N4BP1: variants seen among roughly 807,000 people sequenced by gnomAD.
The protein encoded by N4BP1 is NEDD4 binding protein 1, also known as NEDD4-binding protein 1.
A neutral mutation model predicts 70.9 loss-of-function variants in N4BP1; 21 were observed. The observed-to-expected ratio is 0.30, with a 90% confidence interval of 0.21 to 0.43. N4BP1 has a LOEUF of 0.43. N4BP1 is among the 20% of genes least tolerant of loss of function. N4BP1 has a pLI of 1.00. For synonymous variants in N4BP1, 387 were observed against 394.6 expected, an observed-to-expected ratio of 0.98 and a Z score of 0.23; for missense variants, 936 against 1,069.4, an observed-to-expected ratio of 0.88 and a Z score of 1.74.
At chr16:48,597,340 C>G (rs753936156) in intron 1 of N4BP1, among the ~76,000 whole-genome samples, 8 of 152,128 alleles carry the variant, frequency 5.3e-5, no homozygotes, top group Non-Finnish European at 1.0e-4. Context: ...ATGAAGCTGT[C>G]CTCACAGGGT....
Position 48,561,820 on chromosome 16 carries a change from C to A in N4BP1, c.823G>T (p.Ala275Ser), listed in dbSNP as rs1382236629. 2 of 1,613,696 alleles carry A rather than the reference C, an allele frequency of 1.2e-6. No homozygotes were observed. The highest frequency in any genetic ancestry group is 2.2e-5 in the South Asian group (2 of 91,076). The change falls in exon 2 of 7, where the codon GCA becomes TCA. Residue 275 changes from alanine (A) to serine (S), a missense_variant. Coordinates refer to ENST00000262384, the MANE Select transcript of N4BP1 (RefSeq NM_153029.4). ...PINGLTPDEEALSNERICQKR... is the reference protein window; with the variant it reads ...PINGLTPDEESLSNERICQKR... ...TGACAAATTCTCTCATTGGAAAGTG[C>A]CTCTTCATCTGGGGTTAGACCATTT...
chr16:48,549,946 G>A (rs778534617), intron 4 of N4BP1, among the ~76,000 whole-genome samples: 2 of 152,180 alleles, frequency 1.3e-5, no homozygotes, highest in Non-Finnish European at 2.9e-5. Flanking sequence ...AAATGCAGGG[G>A]AGAAAAGAAT....
At chr16:48,582,582 C>T (rs1964188359) in intron 1 of N4BP1, among the ~76,000 whole-genome samples, 1 of 152,106 alleles carries the variant, frequency 6.6e-6, no homozygotes, top group Admixed American at 6.5e-5. Context: ...TAATAAGAAA[C>T]TAACTTTTAT....
intron 1 of N4BP1, among the ~76,000 whole-genome samples, chr16:48,606,402 A>T (rs1379279703): frequency 6.6e-6 from 1 of 152,222 alleles, no homozygotes; most frequent in Admixed American, 6.5e-5. Context: ...CAATGACCTT[A>T]GCCTGGCATT....
chr16:48,583,189 A>C (rs1467308763), intron 1 of N4BP1, among the ~76,000 whole-genome samples: 1 of 152,242 alleles, frequency 6.6e-6, no homozygotes. Flanking sequence ...GCAAATACCA[A>C]AATATGGTAA....
rs1963484210 is a variant in N4BP1, at chr16:48,540,684, G to A, written c.*2220C>T. ...CTCTGCCCTGCCACCTACTTTACATGGATGCCACGAAGTGGGAGAGCCTGA... is the reference window on the plus strand; with the variant it reads ...CTCTGCCCTGCCACCTACTTTACATAGATGCCACGAAGTGGGAGAGCCTGA... On this transcript the variant is annotated 3_prime_UTR_variant, in exon 7 of 7. Transcript: ENST00000262384. The A allele has an allele frequency of 6.6e-6, 1 of 152,294 alleles. No individual in the cohort carries two copies. Among genetic ancestry groups the A allele is most frequent in the Non-Finnish European group, 1.5e-5 (1 of 68,104 alleles). The allele number at this position is 152,294 out of a possible 1,614,324, so 9.4% of individuals were successfully genotyped here. A position where few individuals can be genotyped will look rare whatever the true frequency, so the allele number is the denominator to read the frequency against.
At chr16:48,605,149 C>T (rs1026743354) in intron 1 of N4BP1, among the ~76,000 whole-genome samples, 1 of 152,054 alleles carries the variant, frequency 6.6e-6, no homozygotes, top group Non-Finnish European at 1.5e-5. Context: ...TCTCCTGCCT[C>T]AGCCTCCTGA....
intron 1 of N4BP1, among the ~76,000 whole-genome samples, chr16:48,596,665 T>C (rs1964418752): frequency 6.6e-6 from 1 of 152,232 alleles, no homozygotes; most frequent in Non-Finnish European, 1.5e-5. Flanking sequence ...CCTTGCTCAG[T>C]CCTGGAAGTA....
At chr16:48,562,590 T>A in intron 1 of N4BP1, 146 bp from the exon 2 acceptor site, 1 of 723,430 alleles carries the variant, frequency 1.4e-6, no homozygotes, top group Non-Finnish European at 2.2e-6. Context: ...ATGTTTTAAA[T>A]AAAACATTGA....
At chr16:48,584,680 CAGG>C (rs1379455321) in intron 1 of N4BP1, among the ~76,000 whole-genome samples, 4 of 151,752 alleles carry the variant, frequency 2.6e-5, no homozygotes, top group African/African-American at 9.7e-5. Flanking sequence ...GAGGGTGAGG[CAGG>C]AGGATCATTT....
intron 1 of N4BP1, among the ~76,000 whole-genome samples, chr16:48,563,484 C>A (rs1408832936): frequency 6.6e-6 from 1 of 151,492 alleles, no homozygotes; most frequent in Non-Finnish European, 1.5e-5. Flanking sequence ...CTCCCAGGTT[C>A]AAGCGACTCT....
chr16:48,543,268 A>G lies in N4BP1; in HGVS notation c.2334-7T>C. 1.3e-6 allele frequency: 2 copies of G among 1,507,000 alleles called. No individual in the cohort carries two copies. The highest frequency in any genetic ancestry group is 2.8e-5 in the African/African-American group (2 of 71,662). The allele number at this position is 1,507,000 out of a possible 1,614,324, so 93.4% of individuals were successfully genotyped here. On this transcript the variant is annotated splice_polypyrimidine_tract_variant and splice_region_variant and intron_variant, in intron 6 of 6. Coordinates refer to ENST00000262384, the MANE Select transcript of N4BP1 (RefSeq NM_153029.4). ...GAGTAGGGGCTGCATATCTCTGTGAATGGAAGTGAGTCCTGGTGAGTTGGG... is the reference window on the plus strand; with the variant it reads ...GAGTAGGGGCTGCATATCTCTGTGAGTGGAAGTGAGTCCTGGTGAGTTGGG...
intron 2 of N4BP1, among the ~76,000 whole-genome samples, chr16:48,560,299 T>C (rs970111490): frequency 6.6e-6 from 1 of 152,208 alleles, no homozygotes; most frequent in Non-Finnish European, 1.5e-5. Context: ...GCCATTGCTC[T>C]ATCCACAGAA....
intron 2 of N4BP1, among the ~76,000 whole-genome samples, chr16:48,558,877 G>T (rs1963799809): frequency 6.6e-6 from 1 of 152,202 alleles, no homozygotes; most frequent in African/African-American, 2.4e-5. Flanking sequence ...ATTTGGAAAT[G>T]AAGATAAGCA....
intron 1 of N4BP1, among the ~76,000 whole-genome samples, chr16:48,579,699 A>C (rs1964149458): frequency 1.3e-5 from 2 of 152,138 alleles, no homozygotes; most frequent in South Asian, 4.1e-4. Context: ...AAAAGATCCA[A>C]GTATATGCTG....
chr16:48,542,519 G>A lies in N4BP1; in HGVS notation c.*385C>T, dbSNP rs1173965762. 1 of 143,814 alleles carries A rather than the reference G, an allele frequency of 7.0e-6. No homozygotes were observed. Among genetic ancestry groups the A allele is most frequent in the Non-Finnish European group, 1.5e-5 (1 of 68,774 alleles). The allele number at this position is 143,814 out of a possible 1,614,324, so 8.9% of individuals were successfully genotyped here. ...CTTTAAGACGTCTTGCTTTCCTTAA[G>A]AAAGCAACACTTTTTTTTTTATTTA... On this transcript the variant is annotated 3_prime_UTR_variant, in exon 7 of 7. Transcript: ENST00000262384.
intron 1 of N4BP1, among the ~76,000 whole-genome samples, chr16:48,597,158 C>T (rs1964427386): frequency 6.6e-6 from 1 of 152,196 alleles, no homozygotes; most frequent in Non-Finnish European, 1.5e-5. Flanking sequence ...AATAATAGAA[C>T]TCCAGTCTCC....
At chr16:48,603,175 G>A (rs1452909605) in intron 1 of N4BP1, among the ~76,000 whole-genome samples, 1 of 152,004 alleles carries the variant, frequency 6.6e-6, no homozygotes, top group Non-Finnish European at 1.5e-5. Context: ...AGTAAAAACT[G>A]GGAAAAGGTC....
At chr16:48,587,845 T>G (rs1289680568) in intron 1 of N4BP1, among the ~76,000 whole-genome samples, 2 of 152,230 alleles carry the variant, frequency 1.3e-5, no homozygotes, top group Non-Finnish European at 2.9e-5. Context: ...AGCCTTCTGT[T>G]CTGTATTAAG....
Sources: allele counts gnomAD v4.1 joint callset (sites outside exome capture counted in the v4.1 genomes callset), GRCh38; gene constraint gnomAD v4.1.1; transcripts MANE v1.5; gene names NCBI Gene and HGNC (gene_info 2026-07-23, HGNC 2026-07-21).